TMEM268: variants seen among roughly 807,000 people sequenced by gnomAD.
TMEM268 encodes the protein transmembrane protein 268, also known as transmembrane protein C9orf91.
In TMEM268, 24 loss-of-function variants were observed where a neutral mutation model predicts 39.1. That is an observed-to-expected ratio of 0.61 (90% CI 0.44 to 0.86). The LOEUF (loss-of-function observed/expected upper bound fraction) is 0.86. Ranked by LOEUF, TMEM268 falls within the 40% of genes least tolerant of loss-of-function variation. TMEM268 has a pLI of 0.00. For missense variants in TMEM268, 409 were observed against 428.6 expected, an observed-to-expected ratio of 0.95 and a Z score of 0.40; for synonymous variants, 176 against 173.5, an observed-to-expected ratio of 1.01 and a Z score of -0.12.
At chr9:114,640,173 T>C (rs1367776031) in intron 8 of TMEM268, among the ~76,000 whole-genome samples, 2 of 151,574 alleles carry the variant, frequency 1.3e-5, no homozygotes, top group Admixed American at 6.6e-5. Flanking sequence ...GTGACATGCG[T>C]GTGTGGGTTT....
Position 114,637,028 on chromosome 9 carries a change from G to A in TMEM268, c.624G>A (p.Gln208=). 1 of 1,613,406 alleles carries A rather than the reference G, an allele frequency of 6.2e-7. No individual in the cohort carries two copies. The highest frequency in any genetic ancestry group is 8.5e-7 in the Non-Finnish European group (1 of 1,179,416). The change falls in exon 7 of 9, where the codon CAG becomes CAA. Residue 208 remains glutamine, a synonymous_variant. Transcript: ENST00000288502. ...FVYFDLENCV[Q]FLSDHVQEMK... ...ACTTCGACCTGGAGAACTGTGTGCAGTTTTTGTCTGATCATGTTCAAGAAA... is the reference window on the plus strand; with the variant it reads ...ACTTCGACCTGGAGAACTGTGTGCAATTTTTGTCTGATCATGTTCAAGAAA...
At chr9:114,622,948 G>A (rs967615993) in intron 2 of TMEM268, among the ~76,000 whole-genome samples, 2 of 151,930 alleles carry the variant, frequency 1.3e-5, no homozygotes, top group African/African-American at 4.8e-5. Context: ...AAATTAGCCA[G>A]GCATGGTGGT....
At chr9:114,638,459 C>A in intron 7 of TMEM268, 85 bp from the exon 8 acceptor site, 1 of 1,028,356 alleles carries the variant, frequency 9.7e-7, no homozygotes, top group Non-Finnish European at 1.4e-6. Context: ...ATCTTCTGCT[C>A]GGTCTGCAGC....
In TMEM268 at chr9:114,621,915, C is replaced by T. The variant is rs548672668; in HGVS notation, c.107-2435C>T. 6.6e-5 allele frequency among the ~76,000 whole-genome samples: 10 copies of T among 152,234 alleles called. No homozygotes were observed. In the South Asian group the frequency reaches 2.1e-3, roughly 32 times the overall value. On this transcript the variant is annotated intron_variant, in intron 2 of 8. Transcript: ENST00000288502. Reference sequence around the variant, plus strand: ...TTGGCTTTTGCAAAGCAACAGGAAGCGATTGAAAGTTTTCTCAAGGCATTG... The same window carrying T: ...TTGGCTTTTGCAAAGCAACAGGAAGTGATTGAAAGTTTTCTCAAGGCATTG...
intron 2 of TMEM268, among the ~76,000 whole-genome samples, chr9:114,623,500 G>C (rs961130299): frequency 6.6e-6 from 1 of 152,232 alleles, no homozygotes; most frequent in Non-Finnish European, 1.5e-5. Flanking sequence ...ATCTCACTGA[G>C]CCGAAATCCC....
rs930363318 is a variant in TMEM268 at position 114,611,473 on chromosome 9, G to C, written c.-170G>C. On this transcript the variant is annotated 5_prime_UTR_variant, in exon 1 of 9. Coordinates refer to ENST00000288502, the MANE Select transcript of TMEM268 (RefSeq NM_153045.4). ...CGGGAGGCGTGCTGGGCGCGGGGCTGCGGTGCCCAGAGGCTGCGGCATTAG... is the reference window on the plus strand; with the variant it reads ...CGGGAGGCGTGCTGGGCGCGGGGCTCCGGTGCCCAGAGGCTGCGGCATTAG... The C allele has an allele frequency of 1.2e-4, 18 of 152,564 alleles. No individual in the cohort carries two copies. The highest frequency in any genetic ancestry group is 4.1e-4 in the African/African-American group (17 of 41,106). 9.5% of individuals were successfully genotyped at this position (152,564 alleles called of 1,614,324 possible). A position where few individuals can be genotyped will look rare whatever the true frequency, so the allele number is the denominator to read the frequency against.
chr9:114,610,019 C>T (rs1390043467), upstream of TMEM268, among the ~76,000 whole-genome samples: 1 of 151,092 alleles, frequency 6.6e-6, no homozygotes, highest in Non-Finnish European at 1.5e-5. Context: ...TAGGTTGGTG[C>T]AAAAATAATC....
intron 6 of TMEM268, among the ~76,000 whole-genome samples, chr9:114,635,822 G>T (rs1846611867): frequency 6.6e-6 from 1 of 152,238 alleles, no homozygotes; most frequent in African/African-American, 2.4e-5. Flanking sequence ...TTGGGGACGG[G>T]TACCGAGTGA....
chr9:114,643,288 G>A lies in TMEM268; in HGVS notation c.1004G>A (p.Gly335Glu). ...QLIEAYILGT[G>E]CCPFLAR is the part of the protein sequence containing the mutation. ...ATAGAAGCCTACATCCTAGGCACAGGGTGCTGCCCGTTCCTGGCGAGGTGA... is the reference window on the plus strand; with the variant it reads ...ATAGAAGCCTACATCCTAGGCACAGAGTGCTGCCCGTTCCTGGCGAGGTGA... The change falls in exon 9 of 9, where the codon GGG becomes GAG. Residue 335 changes from glycine (G) to glutamate (E), a missense_variant. Physicochemically the swap from Gly to Glu is moderately conservative, Grantham distance 98. Transcript: ENST00000288502. The A allele has an allele frequency of 1.2e-6, 2 of 1,614,110 alleles. No homozygotes were observed. Among genetic ancestry groups the A allele is most frequent in the South Asian group, 1.1e-5 (1 of 91,082 alleles).
At chr9:114,606,154 A>T in the TMEM268 span, among the ~76,000 whole-genome samples, 3,508 of 152,192 alleles carry the variant, frequency 0.023, 134 homozygotes, top group African/African-American at 0.079. Flanking sequence ...CCTCTTCTCC[A>T]CAGCCGCTAG....
chr9:114,639,568 G>A (rs73656191), intron 8 of TMEM268, among the ~76,000 whole-genome samples: 11,167 of 151,940 alleles, frequency 0.073, 1,374 homozygotes, highest in African/African-American at 0.25. Context: ...CTGTCAGGGA[G>A]ACAAGCAGTG....
intron 4 of TMEM268, 52 bp from the exon 5 acceptor site, chr9:114,628,049 T>C (rs763360235): frequency 9.4e-6 from 15 of 1,602,216 alleles, no homozygotes; most frequent in African/African-American, 1.3e-5. Context: ...ATGGAGCTGC[T>C]TTATGCAAGG....
intron 1 of TMEM268, among the ~76,000 whole-genome samples, chr9:114,611,841 A>G (rs1305081056): frequency 1.3e-5 from 2 of 152,168 alleles, no homozygotes; most frequent in Non-Finnish European, 2.9e-5. Context: ...GAGATCCCCC[A>G]TCCTCAGCCG....
chr9:114,636,111 T>A (rs1473481619), intron 6 of TMEM268, among the ~76,000 whole-genome samples: 5 of 152,116 alleles, frequency 3.3e-5, no homozygotes, highest in Non-Finnish European at 2.9e-5. Context: ...GCCACCAGTT[T>A]CTCCAAGAAC....
chr9:114,624,138 G>T (rs1272567547), intron 2 of TMEM268: 10 of 1,023,402 alleles, frequency 9.8e-6, no homozygotes, highest in Admixed American at 6.6e-5. Context: ...GGTCCTAGGA[G>T]CCTCCTCCCT....
At position 114,617,249 on chromosome 9, in the gene TMEM268, C is replaced by A. The variant is rs369771328; in HGVS notation, c.54C>A (p.Ser18=). The A allele has an allele frequency of 5.0e-6, 8 of 1,613,210 alleles. No homozygotes were observed. Among genetic ancestry groups the A allele is most frequent in the East Asian group, 4.5e-5 (2 of 44,810 alleles). ...GGGCCACTGGCCCATTGCCCCCCTCCTCCCCTGGCTGGAGTGCCCTGCCTG... is the reference window on the plus strand; with the variant it reads ...GGGCCACTGGCCCATTGCCCCCCTCATCCCCTGGCTGGAGTGCCCTGCCTG... ...DPGATGPLPP[S]SPGWSALPGG... is the part of the protein sequence containing the mutation. Residue 18 remains serine (S), a synonymous_variant, in exon 2 of 9, where the codon TCC becomes TCA. Transcript: ENST00000288502.
intron 5 of TMEM268, 58 bp downstream of exon 5, chr9:114,628,308 A>G (rs551080259): frequency 1.3e-6 from 2 of 1,576,016 alleles, no homozygotes; most frequent in East Asian, 4.5e-5. Flanking sequence ...CAGGCGTGAG[A>G]ATCAGATTTT....
At chr9:114,635,602 G>A (rs1846600088) in intron 6 of TMEM268, among the ~76,000 whole-genome samples, 2 of 152,158 alleles carry the variant, frequency 1.3e-5, no homozygotes, top group Admixed American at 6.5e-5. Flanking sequence ...TCACCTGAGC[G>A]CGGGATGTCA....
chr9:114,644,384 T>C lies in TMEM268; in HGVS notation c.*1071T>C, dbSNP rs1827487303. On this transcript the variant is annotated 3_prime_UTR_variant, in exon 9 of 9. Transcript: ENST00000288502. ...TTCATGCTTCAAAGTCCAGCTTTCT[T>C]AAGCCCTTCTTTAGGAAGCCTTCCC... 1 of 152,450 alleles carries C rather than the reference T, an allele frequency of 6.6e-6. No homozygotes were observed. Among genetic ancestry groups the C allele is most frequent in the Non-Finnish European group, 1.5e-5 (1 of 68,080 alleles). The allele number at this position is 152,450 out of a possible 1,614,324, so 9.4% of individuals were successfully genotyped here. A position where few individuals can be genotyped will look rare whatever the true frequency, so the allele number is the denominator to read the frequency against.
Sources: allele counts gnomAD v4.1 joint callset (sites outside exome capture counted in the v4.1 genomes callset), GRCh38; gene constraint gnomAD v4.1.1; transcripts MANE v1.5; gene names NCBI Gene and HGNC (gene_info 2026-07-23, HGNC 2026-07-21).